The following TENM3 variants were observed in gnomAD, a reference collection of about 807,000 sequenced individuals.
TENM3 encodes the protein teneurin transmembrane protein 3.
TENM3 carries 63 observed loss-of-function variants against 255.1 expected under a neutral mutation model. The observed-to-expected ratio is 0.25, with a 90% CI of 0.20 to 0.30. The LOEUF is 0.30. Ranked by LOEUF, TENM3 falls within the 10% of genes least tolerant of loss-of-function variation. The pLI, the probability that TENM3 is intolerant of heterozygous loss-of-function variation, is 1.00. For synonymous variants in TENM3, 1,306 were observed against 1,322.3 expected (o/e 0.99, Z 0.27); for missense variants, 2,929 against 3,461.1 (o/e 0.85, Z 3.86).
chr4:182,522,035 G>A (rs7655050), intron 3 of TENM3, among the ~76,000 whole-genome samples: 56,636 of 151,940 alleles, frequency 0.37, 10,986 homozygotes, highest in Admixed American at 0.43. Context: ...ATACAGGAAG[G>A]GAAAAAAATT....
At chr4:182,079,166 G>T in the TENM3 span, among the ~76,000 whole-genome samples, 2 of 152,168 alleles carry the variant, frequency 1.3e-5, no homozygotes, top group African/African-American at 4.8e-5. Context: ...GGTTTTCATG[G>T]TGGAGGGTAG....
rs1764163726 is a variant in TENM3, at chr4:182,771,010, GT to G, written c.4893-2461del. 2.0e-5 allele frequency among the ~76,000 whole-genome samples: 3 copies of G among 152,258 alleles called. No individual in the cohort carries two copies. The South Asian group carries it at 6.2e-4, about 32-fold the overall frequency. On this transcript the variant is annotated intron_variant, in intron 22 of 27. Coordinates refer to ENST00000511685, the MANE Select transcript of TENM3 (RefSeq NM_001080477.4). ...AGCTTAACCCTCTGTCATTCTAACT[GT>G]ACTACCTACAAAGGTTACTTGTATT...
the TENM3 span, among the ~76,000 whole-genome samples, chr4:182,069,805 T>G: frequency 6.6e-6 from 1 of 152,102 alleles, no homozygotes; most frequent in East Asian, 1.9e-4. Flanking sequence ...TCTAACTCTC[T>G]AAATTCCAGA....
the TENM3 span, among the ~76,000 whole-genome samples, chr4:181,536,762 C>T: frequency 6.6e-6 from 1 of 152,106 alleles, no homozygotes; most frequent in African/African-American, 2.4e-5. Flanking sequence ...CTGGTGGGCT[C>T]TAGTGTGCAG....
chr4:182,158,482 G>C (rs952798614), intron 1 of TENM3, among the ~76,000 whole-genome samples: 1 of 152,178 alleles, frequency 6.6e-6, no homozygotes, highest in African/African-American at 2.4e-5. Flanking sequence ...GAGAGAGCTT[G>C]GGTCCAGATT....
intron 1 of TENM3, among the ~76,000 whole-genome samples, chr4:182,249,548 C>G (rs921335523): frequency 1.3e-5 from 2 of 152,096 alleles, no homozygotes; most frequent in Non-Finnish European, 2.9e-5. Flanking sequence ...TCTGCTCCAT[C>G]GTAGACTGAA....
At chr4:182,169,408 A>T in intron 1 of TENM3, 1 of 432,656 alleles carries the variant, frequency 2.3e-6, no homozygotes, top group South Asian at 1.7e-5. Flanking sequence ...CTGCACGAGG[A>T]AAAGAAGTCT....
chr4:181,924,430 C>T, the TENM3 span, among the ~76,000 whole-genome samples: 1 of 152,124 alleles, frequency 6.6e-6, no homozygotes, highest in Non-Finnish European at 1.5e-5. Context: ...AAATCTCAGA[C>T]CTGAGAATCA....
At chr4:181,700,439 A>G in the TENM3 span, among the ~76,000 whole-genome samples, 1 of 152,148 alleles carries the variant, frequency 6.6e-6, no homozygotes, top group African/African-American at 2.4e-5. Flanking sequence ...GGAGGAGAAA[A>G]TATGTTTCGA....
chr4:181,633,662 A>G, the TENM3 span, among the ~76,000 whole-genome samples: 1 of 152,344 alleles, frequency 6.6e-6, no homozygotes, highest in African/African-American at 2.4e-5. Context: ...ATATTTAAGA[A>G]TAAAGGGGTT....
chr4:182,199,562 A>G (rs1483828639), intron 1 of TENM3, among the ~76,000 whole-genome samples: 1 of 152,140 alleles, frequency 6.6e-6, no homozygotes, highest in Non-Finnish European at 1.5e-5. Context: ...GACCCATGAA[A>G]AAGTGTGTTT....
chr4:181,692,849 C>G, the TENM3 span, among the ~76,000 whole-genome samples: 31 of 152,256 alleles, frequency 2.0e-4, no homozygotes, highest in South Asian at 4.1e-4. Flanking sequence ...GGTGAGATAT[C>G]AGCTTTCCAA....
At chr4:182,449,212 C>CGGCGGT in intron 3 of TENM3, 1 of 90,054 alleles carries the variant, frequency 1.1e-5, no homozygotes, top group Non-Finnish European at 2.2e-5. Context: ...GCGGTGGTGG[C>CGGCGGT]GGCGGCGGCG....
rs33998093 is a variant in TENM3, at chr4:182,787,735, CAAAAAAAAAAAA to C, written c.5305-1342_5305-1331del. ...GGGCGACAAGGGCAAAACTCCACCTCAAAAAAAAAAAAAAAAAAAAAAAAAAAGATGTGATTT... is the reference window on the plus strand; with the variant it reads ...GGGCGACAAGGGCAAAACTCCACCTCAAAAAAAAAAAAAAAGATGTGATTT... On this transcript the variant is annotated intron_variant, in intron 24 of 27. Transcript: ENST00000511685. Among the ~76,000 whole-genome samples the C allele has an allele frequency of 5.5e-4, 23 of 41,556 alleles. No individual in the cohort carries two copies. In the South Asian group the frequency reaches 0.015, roughly 27 times the overall value. 27.3% of individuals were successfully genotyped at this position (41,556 alleles called of 152,430 possible).
At chr4:182,646,874 T>G (rs1373627807) in intron 5 of TENM3, among the ~76,000 whole-genome samples, 1 of 152,174 alleles carries the variant, frequency 6.6e-6, no homozygotes, top group Non-Finnish European at 1.5e-5. Context: ...TGAGGAAGTA[T>G]GTATTGTGGT....
intron 24 of TENM3, among the ~76,000 whole-genome samples, chr4:182,775,991 A>G (rs1024860644): frequency 3.9e-5 from 6 of 152,058 alleles, no homozygotes; most frequent in African/African-American, 1.4e-4. Flanking sequence ...ATATATATAT[A>G]GATAGATAGG....
At chr4:182,526,070 C>T (rs778357740) in intron 3 of TENM3, among the ~76,000 whole-genome samples, 5 of 152,160 alleles carry the variant, frequency 3.3e-5, no homozygotes, top group African/African-American at 4.8e-5. Context: ...AGCTCTGCCT[C>T]GCAGGTTCAC....
chr4:182,299,413 A>G (rs191469616), intron 1 of TENM3, among the ~76,000 whole-genome samples: 65 of 152,338 alleles, frequency 4.3e-4, no homozygotes, highest in African/African-American at 1.4e-3. Flanking sequence ...CTCTAATGGA[A>G]GAATATAGAT....
chr4:181,614,943 T>C, the TENM3 span, among the ~76,000 whole-genome samples: 2 of 152,152 alleles, frequency 1.3e-5, no homozygotes, highest in Admixed American at 6.5e-5. Flanking sequence ...CCAGCTAGCT[T>C]GTAGAGTGAA....
Sources: gnomAD v4.1 joint callset for allele counts (sites outside exome capture counted in the v4.1 genomes callset) on GRCh38, gnomAD v4.1.1 for gene constraint, MANE v1.5 for transcripts, NCBI Gene and HGNC (gene_info 2026-07-23, HGNC 2026-07-21) for gene names.